UBN1: variants seen among roughly 807,000 people sequenced by gnomAD.
UBN1 encodes the protein ubinuclein-1.
In UBN1, 17 loss-of-function variants were observed where a neutral mutation model predicts 108.5. The observed-to-expected ratio is 0.16, with a 90% CI of 0.11 to 0.24. The LOEUF is 0.24. Among genes scored for constraint, UBN1 ranks in the 10% least tolerant of loss-of-function variants. The pLI is 1.00. For missense variants in UBN1, 1,595 were observed against 1,394.4 expected (o/e 1.14, Z -2.29); for synonymous variants, 726 against 564.2 (o/e 1.29, Z -4.07).
intron 2 of UBN1, among the ~76,000 whole-genome samples, chr16:4,854,932 C>G (rs2086730304): frequency 6.6e-6 from 1 of 152,004 alleles, no homozygotes; most frequent in Non-Finnish European, 1.5e-5. Flanking sequence ...CCGTGTTAGC[C>G]AGGATGGTCT....
At chr16:4,876,460 AATAT>A (rs907023751) in intron 15 of UBN1, among the ~76,000 whole-genome samples, 1 of 152,050 alleles carries the variant, frequency 6.6e-6, no homozygotes, top group African/African-American at 2.4e-5. Context: ...TATGTATATA[AATAT>A]ATATACACAT....
chr16:4,869,002 T>C, intron 8 of UBN1, 99 bp downstream of exon 8: 5 of 1,150,818 alleles, frequency 4.3e-6, no homozygotes, highest in Non-Finnish European at 6.2e-6. Flanking sequence ...TTGAACTGCA[T>C]AAAGGTGACC....
In UBN1 at chr16:4,874,783, C is replaced by A; in HGVS notation, c.2373C>A (p.His791Gln). The A allele has an allele frequency of 1.2e-6, 2 of 1,614,088 alleles. No individual in the cohort carries two copies. The highest frequency in any genetic ancestry group is 1.7e-6 in the Non-Finnish European group (2 of 1,180,028). The change falls in exon 15 of 18, where the codon CAC becomes CAA. Residue 791 changes from histidine to glutamine, a missense_variant. Coordinates refer to ENST00000262376, the MANE Select transcript of UBN1 (RefSeq NM_001079514.3). The part of the protein sequence containing the change: ...AKHHSLPRTS[H>Q]GPQVAVPVPG... ...ACCACAGCTTGCCACGGACGTCTCA[C>A]GGGCCCCAAGTGGCAGTTCCTGTGC...
intron 1 of UBN1, chr16:4,852,556 A>G (rs2086608079): frequency 6.2e-6 from 1 of 160,452 alleles, no homozygotes; most frequent in African/African-American, 2.4e-5. Flanking sequence ...AGTGTTAGAC[A>G]AATTAAATGG....
In UBN1 at chr16:4,859,162, T is replaced by G; in HGVS notation, c.567+3T>G. The G allele has an allele frequency of 6.2e-7, 1 of 1,611,120 alleles. No homozygotes were observed. The highest frequency in any genetic ancestry group is 2.2e-5 in the East Asian group (1 of 44,884). ...AAAAGAAGAAAAAATCTCCAAAGGT[T>G]AGAATGTGCTTGCTTTTGGATTTCA... On this transcript the variant is annotated splice_donor_region_variant and intron_variant, in intron 5 of 17. Coordinates refer to ENST00000262376, the MANE Select transcript of UBN1 (RefSeq NM_001079514.3).
At chr16:4,848,394 G>C (rs962605322) in intron 1 of UBN1, 184 bp downstream of exon 1, 1 of 152,322 alleles carries the variant, frequency 6.6e-6, no homozygotes. Flanking sequence ...AGCAGACCAG[G>C]TAGAATCACA....
At chr16:4,876,672 C>T (rs1402399251) in intron 15 of UBN1, among the ~76,000 whole-genome samples, 199 bp from the exon 16 acceptor site, 1 of 152,090 alleles carries the variant, frequency 6.6e-6, no homozygotes, top group Non-Finnish European at 1.5e-5. Flanking sequence ...GAATCCATTC[C>T]ATGTTGGTTC....
chr16:4,870,410 A>T (rs1396313304), intron 9 of UBN1, 69 bp downstream of exon 9: 4 of 1,610,148 alleles, frequency 2.5e-6, no homozygotes, highest in Non-Finnish European at 3.4e-6. Flanking sequence ...GTCTTAAGCA[A>T]TGATGCGTCT....
intron 1 of UBN1, among the ~76,000 whole-genome samples, chr16:4,851,374 T>G (rs2086548984): frequency 6.6e-6 from 1 of 152,100 alleles, no homozygotes; most frequent in Admixed American, 6.6e-5. Flanking sequence ...CGCTTTAGCT[T>G]GGGAGGTTGA....
intron 15 of UBN1, 67 bp from the exon 16 acceptor site, chr16:4,876,804 C>T (rs2087907321): frequency 1.3e-6 from 2 of 1,519,720 alleles, no homozygotes; most frequent in South Asian, 1.3e-5. Flanking sequence ...TTTGTGTTGC[C>T]AGGTTTGGTG....
intron 14 of UBN1, 39 bp downstream of exon 14, chr16:4,873,112 A>G (rs191169653): frequency 5.6e-6 from 9 of 1,613,364 alleles, no homozygotes; most frequent in African/African-American, 1.3e-5. Flanking sequence ...AGCTATGCCC[A>G]TCTCCCTACA....
rs2087458298 is a variant in UBN1 at position 4,868,734 on chromosome 16, G to A, written c.1111-99G>A. ...AGGTGGCGGTGTGACTGTATTGACA[G>A]GTGCTCTTTATGGAGCGATGACTCC... On this transcript the variant is annotated intron_variant, in intron 7 of 17. Coordinates refer to ENST00000262376, the MANE Select transcript of UBN1 (RefSeq NM_001079514.3). 3 of 1,169,300 alleles carry A rather than the reference G, an allele frequency of 2.6e-6. No homozygotes were observed. In the South Asian group the frequency reaches 4.3e-5, roughly 17 times the overall value. The allele number at this position is 1,169,300 out of a possible 1,614,324, so 72.4% of individuals were successfully genotyped here.
chr16:4,850,002 G>C (rs2086480585), intron 1 of UBN1, among the ~76,000 whole-genome samples: 1 of 148,670 alleles, frequency 6.7e-6, no homozygotes, highest in Admixed American at 6.7e-5. Flanking sequence ...AAGGACTTAG[G>C]CAACTCTCGT....
rs4786554 is a variant in UBN1, at chr16:4,859,234, A to G, written c.567+75A>G. The G allele has an allele frequency of 2.3e-3, 3,626 of 1,561,210 alleles. 51 individuals carry two copies. Among genetic ancestry groups the G allele is most frequent in the Admixed American group, 0.023 (1,219 of 53,920 alleles). ...CTATCAGATCAGTAGGTGACTTGCC[A>G]GAATACGTGGCGCTTGGCCGGCTCA... is the stretch of plus-strand genomic sequence containing the variant. On this transcript the variant is annotated intron_variant, in intron 5 of 17. Transcript: ENST00000262376.
Position 4,877,531 on chromosome 16 carries a change from C to T in UBN1, c.3355+57C>T. On this transcript the variant is annotated intron_variant, in intron 17 of 17. Transcript: ENST00000262376. This position sits in a 1 kb window ranked among gnomAD's most constrained non-coding sequence, Gnocchi z 4.3. ...ACCGTGTGCCTTTGCCCTCTCCACC[C>T]CTAGGTGCTTTGCCGCTGCCAAGGG... 6.6e-7 allele frequency: 1 copy of T among 1,522,780 alleles called. No individual in the cohort carries two copies. The highest frequency in any genetic ancestry group is 1.2e-5 in the South Asian group (1 of 80,630). The allele number at this position is 1,522,780 out of a possible 1,614,324, so 94.3% of individuals were successfully genotyped here. A position where few individuals can be genotyped will look rare whatever the true frequency, so the allele number is the denominator to read the frequency against.
intron 12 of UBN1, 87 bp downstream of exon 12, chr16:4,871,388 C>T: frequency 2.0e-6 from 3 of 1,526,094 alleles, no homozygotes; most frequent in Non-Finnish European, 1.8e-6. Flanking sequence ...GATCCTTGCT[C>T]ACAGGGAGTC....
rs760911170 is a variant in UBN1 at position 4,880,179 on chromosome 16, A to G, written c.*47A>G. The G allele has an allele frequency of 3.5e-5, 56 of 1,597,696 alleles. 1 individual carries two copies. In the Admixed American group the frequency reaches 8.3e-4, roughly 24 times the overall value. On this transcript the variant is annotated 3_prime_UTR_variant, in exon 18 of 18. Transcript: ENST00000262376. Reference sequence around the variant, plus strand: ...CCACTTGGGTCTGGGTGGAATCAGAACGTGCAGGTCTCCCAGGATGTACAC... The same window carrying G: ...CCACTTGGGTCTGGGTGGAATCAGAGCGTGCAGGTCTCCCAGGATGTACAC...
intron 7 of UBN1, among the ~76,000 whole-genome samples, chr16:4,868,560 T>G (rs747201139): frequency 2.6e-4 from 40 of 152,242 alleles, no homozygotes; most frequent in Non-Finnish European, 5.0e-4. Context: ...TCTGGCTAAG[T>G]GCATTGTGAT....
At position 4,874,235 on chromosome 16, in the gene UBN1, A is replaced by G; in HGVS notation, c.1825A>G (p.Lys609Glu). 1 of 1,563,790 alleles carries G rather than the reference A, an allele frequency of 6.4e-7. No homozygotes were observed. The highest frequency in any genetic ancestry group is 1.2e-5 in the South Asian group (1 of 85,196). ...VKESSTKPDK[K>E]VSVPSGQIGG... ...GGAATCGTCTACGAAGCCTGATAAA[A>G]AGGTTTCTGTCCCATCAGGACAGAT... The change falls in exon 15 of 18, where the codon AAG (lysine) becomes GAG (glutamate). Residue 609 changes from lysine (K) to glutamate (E), a missense_variant. By Grantham distance (56) the Lys-to-Glu change is moderately conservative. Transcript: ENST00000262376.
Sources: allele counts gnomAD v4.1 joint callset (sites outside exome capture counted in the v4.1 genomes callset), GRCh38; gene constraint gnomAD v4.1.1; non-coding constraint Gnocchi (gnomAD v3.1); transcripts MANE v1.5; gene names NCBI Gene and HGNC (gene_info 2026-07-23, HGNC 2026-07-21).